The following PCDHA13 variants were observed in gnomAD, a reference collection of about 807,000 sequenced individuals.
PCDHA13 encodes protocadherin alpha 13.
In PCDHA13, 54 loss-of-function variants were observed where a neutral mutation model predicts 64.8. The observed-to-expected ratio is 0.83, with a 90% confidence interval of 0.67 to 1.04. PCDHA13 has a LOEUF of 1.04. Among genes scored for constraint, PCDHA13 ranks in the 50% least tolerant of loss-of-function variants. PCDHA13 has a pLI of 0.00. For synonymous variants in PCDHA13, 587 were observed against 564.4 expected, an observed-to-expected ratio of 1.04 and a Z score of -0.57; for missense variants, 1,248 against 1,254.3, an observed-to-expected ratio of 0.99 and a Z score of 0.08.
At chr5:140,970,893 T>C (rs568576965) in intron 1 of PCDHA13, among the ~76,000 whole-genome samples, 3 of 152,200 alleles carry the variant, frequency 2.0e-5, no homozygotes, top group Non-Finnish European at 4.4e-5. Context: ...CATGGACATT[T>C]CAGATAGATT....
At chr5:140,894,259 T>A (rs2064392118) in intron 1 of PCDHA13, among the ~76,000 whole-genome samples, 1 of 152,106 alleles carries the variant, frequency 6.6e-6, no homozygotes. Context: ...TCTTTACAAG[T>A]GGTAGCTTAT....
At chr5:140,952,960 T>C (rs1195156838) in intron 1 of PCDHA13, among the ~76,000 whole-genome samples, 3 of 151,932 alleles carry the variant, frequency 2.0e-5, no homozygotes, top group Non-Finnish European at 4.4e-5. Flanking sequence ...GGGGAAGTGA[T>C]ACACACTTTT....
In PCDHA13 at chr5:140,883,030, C is replaced by G. The variant is rs1554176556; in HGVS notation, c.762C>G (p.Asn254Lys). ...TTTATAAAGTGACGGTGTTAGAGAA[C>G]GCCTTCAATGGAACATTAGTGATCA... The part of the protein sequence containing the change: ...QSVYKVTVLE[N>K]AFNGTLVIKL... Residue 254 changes from asparagine to lysine, a missense_variant, in exon 1 of 4, where the codon AAC becomes AAG. Coordinates refer to ENST00000289272, the MANE Select transcript of PCDHA13 (RefSeq NM_018904.3). 1 of 1,613,940 alleles carries G rather than the reference C, an allele frequency of 6.2e-7. No individual in the cohort carries two copies. Among genetic ancestry groups the G allele is most frequent in the Non-Finnish European group, 8.5e-7 (1 of 1,180,036 alleles).
intron 1 of PCDHA13, among the ~76,000 whole-genome samples, chr5:140,920,232 A>C (rs1463016764): frequency 6.6e-6 from 1 of 152,232 alleles, no homozygotes; most frequent in African/African-American, 2.4e-5. Flanking sequence ...ATAGTATTAT[A>C]TACCCAACAA....
rs1004548473 is a variant in PCDHA13 at position 141,011,507 on chromosome 5, G to T, written c.*1570G>T. Reference sequence around the variant, plus strand: ...CCTTTTGTACACCTGTGAAAAAGTGGAGTAGTGTTTTTTTAACCATTGTTA... The same window carrying T: ...CCTTTTGTACACCTGTGAAAAAGTGTAGTAGTGTTTTTTTAACCATTGTTA... On this transcript the variant is annotated 3_prime_UTR_variant, in exon 4 of 4. Transcript: ENST00000289272. 5.2e-5 allele frequency: 8 copies of T among 153,740 alleles called. No individual in the cohort carries two copies. The highest frequency in any genetic ancestry group is 1.9e-4 in the African/African-American group (8 of 41,440). The allele number at this position is 153,740 out of a possible 1,614,324, so 9.5% of individuals were successfully genotyped here. A position where few individuals can be genotyped will look rare whatever the true frequency, so the allele number is the denominator to read the frequency against.
At chr5:140,889,626 TC>T (rs2062301507) in intron 1 of PCDHA13, among the ~76,000 whole-genome samples, 1 of 152,228 alleles carries the variant, frequency 6.6e-6, no homozygotes, top group African/African-American at 2.4e-5. Flanking sequence ...TCATTTCTCT[TC>T]TTTTCATTTG....
At chr5:140,966,695 C>CGGGCGTG in intron 1 of PCDHA13, 1 of 1,358,486 alleles carries the variant, frequency 7.4e-7, no homozygotes, top group Non-Finnish European at 9.5e-7. Flanking sequence ...AGGCGGGGCC[C>CGGGCGTG]GGGCGTGGGG....
intron 1 of PCDHA13, chr5:140,966,522 G>C (rs1350046535): frequency 2.3e-6 from 1 of 437,158 alleles, no homozygotes; most frequent in Non-Finnish European, 4.0e-6. Context: ...GCAGGAAGCC[G>C]AGCCGGGTTG....
At chr5:140,941,255 C>CTTTCTCTT (rs782490896) in intron 1 of PCDHA13, among the ~76,000 whole-genome samples, 24 of 44,510 alleles carry the variant, frequency 5.4e-4, no homozygotes, top group African/African-American at 1.5e-3. Flanking sequence ...TTCTTTCTTT[C>CTTTCTCTT]TCTTTCTTTC....
intron 1 of PCDHA13, among the ~76,000 whole-genome samples, chr5:140,932,585 T>C (rs1275216145): frequency 6.6e-6 from 1 of 151,944 alleles, no homozygotes; most frequent in Non-Finnish European, 1.5e-5. Flanking sequence ...GGTAATTAGA[T>C]GTTTTGTATA....
At chr5:140,927,349 G>T in intron 1 of PCDHA13, 1 of 1,614,016 alleles carries the variant, frequency 6.2e-7, no homozygotes, top group Non-Finnish European at 8.5e-7. Flanking sequence ...AGATGACGAC[G>T]AGGGAAGCAA....
chr5:140,886,827 GA>G (rs782016620), intron 1 of PCDHA13, among the ~76,000 whole-genome samples: 1,709 of 60,916 alleles, frequency 0.028, 12 homozygotes, highest in African/African-American at 0.032. Flanking sequence ...ACTTCGTCTT[GA>G]AAAAAAAAAA....
chr5:140,928,694 C>T, intron 1 of PCDHA13: 1 of 1,614,166 alleles, frequency 6.2e-7, no homozygotes, highest in South Asian at 1.1e-5. Flanking sequence ...TACCACATCT[C>T]CCGGGCGTCT....
chr5:140,901,557 A>G (rs782333756), intron 1 of PCDHA13, among the ~76,000 whole-genome samples: 4 of 152,034 alleles, frequency 2.6e-5, no homozygotes, highest in Non-Finnish European at 5.9e-5. Context: ...CCATTCATCT[A>G]TGTGTCTGTT....
intron 1 of PCDHA13, among the ~76,000 whole-genome samples, chr5:140,943,845 C>A (rs59104695): frequency 3.3e-5 from 5 of 152,226 alleles, no homozygotes; most frequent in Admixed American, 1.3e-4. Flanking sequence ...TGTAAGATGT[C>A]ACAGAAGTCA....
chr5:140,894,478 A>C (rs2064495460), intron 1 of PCDHA13, among the ~76,000 whole-genome samples: 2 of 151,508 alleles, frequency 1.3e-5, no homozygotes, highest in South Asian at 4.2e-4. Context: ...TCTTGTTTTC[A>C]TCTTATAGTT....
At chr5:140,974,165 G>A (rs1298109600) in intron 1 of PCDHA13, among the ~76,000 whole-genome samples, 1 of 152,164 alleles carries the variant, frequency 6.6e-6, no homozygotes, top group Admixed American at 6.5e-5. Flanking sequence ...TTTCTTTCAA[G>A]AATTTTAACT....
At chr5:140,947,811 A>G (rs1554218329) in intron 1 of PCDHA13, among the ~76,000 whole-genome samples, 1 of 151,582 alleles carries the variant, frequency 6.6e-6, no homozygotes, top group Admixed American at 6.6e-5. Flanking sequence ...TGCAGAGACT[A>G]TTTCTTCCTT....
In PCDHA13 at chr5:140,923,435, G is replaced by A. The variant is rs186360462; in HGVS notation, c.2394+38773G>A. 5.3e-3 allele frequency among the ~76,000 whole-genome samples: 803 copies of A among 152,184 alleles called. 3 individuals are homozygous for A. Among genetic ancestry groups the A allele is most frequent in the Non-Finnish European group, 8.4e-3 (569 of 67,990 alleles). ...CCTGGCTACTTGGGAGGCTGGGGTG[G>A]GAGGATCACCTGAGCCCAGAGAGGT... On this transcript the variant is annotated intron_variant, in intron 1 of 3. Transcript: ENST00000289272.
Sources: gnomAD v4.1 joint callset for allele counts (sites outside exome capture counted in the v4.1 genomes callset) on GRCh38, gnomAD v4.1.1 for gene constraint, MANE v1.5 for transcripts, NCBI Gene and HGNC (gene_info 2026-07-23, HGNC 2026-07-21) for gene names.